COX10: variants seen among roughly 807,000 people sequenced by gnomAD.
The protein encoded by COX10 is cytochrome c oxidase assembly factor heme A:farnesyltransferase COX10.
COX10 carries 27 observed loss-of-function variants against 37.3 expected under a neutral mutation model. The ratio of observed to expected loss-of-function variants is 0.72; its 90% CI spans 0.53 to 1.00. The LOEUF is 1.00. Among genes scored for constraint, COX10 ranks in the 50% least tolerant of loss-of-function variants. The probability of loss-of-function intolerance (pLI) is 0.00; values close to 1 mark genes in which losing one functional copy is unlikely to be tolerated. For missense variants in COX10, 475 were observed against 563.2 expected (o/e 0.84, Z 1.59); for synonymous variants, 222 against 229.1 (o/e 0.97, Z 0.28).
chr17:14,178,710 C>A (rs1291054937), intron 5 of COX10, among the ~76,000 whole-genome samples: 2 of 152,132 alleles, frequency 1.3e-5, no homozygotes, highest in Non-Finnish European at 2.9e-5. Context: ...GCATGGCGGC[C>A]CTGCCAACCA....
chr17:14,175,083 C>CGGG (rs551562401), intron 5 of COX10, among the ~76,000 whole-genome samples: 1 of 16,366 alleles, frequency 6.1e-5, no homozygotes, highest in Admixed American at 1.2e-3. Context: ...TGGGAAATAG[C>CGGG]GGGGGGGGGG....
chr17:14,143,735 C>G (rs1597519073), intron 4 of COX10, among the ~76,000 whole-genome samples: 2 of 152,094 alleles, frequency 1.3e-5, no homozygotes, highest in South Asian at 4.1e-4. Flanking sequence ...AAAGCATATG[C>G]AACTGTCTTT....
At chr17:14,098,579 T>G (rs1184880380) in intron 3 of COX10, among the ~76,000 whole-genome samples, 1 of 152,178 alleles carries the variant, frequency 6.6e-6, no homozygotes, top group Non-Finnish European at 1.5e-5. Flanking sequence ...TTGAGTATTC[T>G]AAATGGAGCT....
At chr17:14,125,358 T>G (rs887626095) in intron 4 of COX10, among the ~76,000 whole-genome samples, 4 of 152,212 alleles carry the variant, frequency 2.6e-5, no homozygotes, top group Non-Finnish European at 5.9e-5. Flanking sequence ...TTTGTAATGT[T>G]TACAGTGTCA....
chr17:14,104,240 A>T (rs143124032), intron 4 of COX10, among the ~76,000 whole-genome samples: 95 of 152,308 alleles, frequency 6.2e-4, no homozygotes, highest in African/African-American at 2.2e-3. Flanking sequence ...GATTCCCAGT[A>T]GAGTAGAATC....
rs1021295868 is a variant in COX10 at position 14,205,495 on chromosome 17, G to A, written c.929-1315G>A. 9.2e-5 allele frequency among the ~76,000 whole-genome samples: 14 copies of A among 152,200 alleles called. No individual in the cohort carries two copies. In the East Asian group the frequency reaches 9.7e-4, roughly 10 times the overall value. ...ACCTCCTTGACTGAAGGGTCTGCTC[G>A]GTGCAGGCAGGAGCACGTGTGGATT... is the stretch of plus-strand genomic sequence containing the variant. On this transcript the variant is annotated intron_variant, in intron 6 of 6. Coordinates refer to ENST00000261643, the MANE Select transcript of COX10 (RefSeq NM_001303.4).
rs147593297 is a variant in COX10 at position 14,099,739 on chromosome 17, C to G, written c.500-2379C>G. On this transcript the variant is annotated intron_variant, in intron 3 of 6. Transcript: ENST00000261643. Reference sequence around the variant, plus strand: ...ATTCCCTCAGGCTCAGGCATGGCCTCTAGGCAACTCCAGAGCTTCATGCCT... The same window carrying G: ...ATTCCCTCAGGCTCAGGCATGGCCTGTAGGCAACTCCAGAGCTTCATGCCT... Among the ~76,000 whole-genome samples the G allele has an allele frequency of 2.2e-4, 34 of 152,240 alleles. No individual in the cohort carries two copies. In the East Asian group the frequency reaches 6.2e-3, roughly 28 times the overall value.
chr17:14,069,757 G>A (rs989547287), intron 1 of COX10, 109 bp downstream of exon 1: 14 of 1,368,530 alleles, frequency 1.0e-5, no homozygotes, highest in Non-Finnish European at 1.3e-5. Flanking sequence ...TGGCGAGGTT[G>A]GCCGGCCACC....
chr17:14,132,189 G>A (rs919093026), intron 4 of COX10, among the ~76,000 whole-genome samples: 1 of 151,888 alleles, frequency 6.6e-6, no homozygotes, highest in Non-Finnish European at 1.5e-5. Context: ...GAAATGGATG[G>A]TTTAAGTTTA....
At chr17:14,119,722 C>A (rs929313012) in intron 4 of COX10, among the ~76,000 whole-genome samples, 3 of 151,952 alleles carry the variant, frequency 2.0e-5, no homozygotes, top group Admixed American at 6.6e-5. Context: ...CAAGAGGAAG[C>A]GTGGTTTAGA....
chr17:14,205,656 G>T (rs1306505737), intron 6 of COX10, among the ~76,000 whole-genome samples: 1 of 152,212 alleles, frequency 6.6e-6, no homozygotes, highest in Admixed American at 6.5e-5. Context: ...CCACCCTACT[G>T]CCTGTCCTTA....
chr17:14,172,559 GTCT>G (rs1186632392), intron 5 of COX10, among the ~76,000 whole-genome samples: 2 of 146,410 alleles, frequency 1.4e-5, no homozygotes, highest in Non-Finnish European at 3.0e-5. Flanking sequence ...CTATTCGTAT[GTCT>G]TCTTTTTTTC....
At chr17:14,151,542 C>CAT (rs888140885) in intron 4 of COX10, among the ~76,000 whole-genome samples, 4 of 150,080 alleles carry the variant, frequency 2.7e-5, no homozygotes, top group Admixed American at 6.6e-5. Context: ...CACACACACA[C>CAT]ACACACACAC....
chr17:14,084,857 G>A (rs1306162854), intron 3 of COX10, among the ~76,000 whole-genome samples: 11 of 151,966 alleles, frequency 7.2e-5, no homozygotes, highest in Admixed American at 5.9e-4. Context: ...ACGGGGTTTC[G>A]CCATGTTGGC....
intron 3 of COX10, among the ~76,000 whole-genome samples, chr17:14,079,500 C>T (rs1474534080): frequency 2.0e-5 from 3 of 152,064 alleles, no homozygotes; most frequent in East Asian, 3.9e-4. Flanking sequence ...TTATTAAGAT[C>T]GAAGAGTTAG....
intron 3 of COX10, among the ~76,000 whole-genome samples, chr17:14,082,812 T>G (rs1309445615): frequency 2.6e-5 from 4 of 152,188 alleles, no homozygotes; most frequent in Non-Finnish European, 4.4e-5. Flanking sequence ...GGCCACTGTT[T>G]CCAGTGATTC....
intron 3 of COX10, among the ~76,000 whole-genome samples, chr17:14,095,348 A>G (rs1915621338): frequency 6.6e-6 from 1 of 152,158 alleles, no homozygotes; most frequent in Non-Finnish European, 1.5e-5. Context: ...CACCACCTTC[A>G]AAATACTTAC....
chr17:14,117,166 G>A (rs1273934887), intron 4 of COX10, among the ~76,000 whole-genome samples: 1 of 152,038 alleles, frequency 6.6e-6, no homozygotes, highest in Non-Finnish European at 1.5e-5. Context: ...ACATACAAGG[G>A]CTTTTTTTAC....
At chr17:14,158,560 TACAG>T (rs1905102636) in intron 4 of COX10, among the ~76,000 whole-genome samples, 1 of 152,080 alleles carries the variant, frequency 6.6e-6, no homozygotes, top group African/African-American at 2.4e-5. Context: ...CTATGATTCA[TACAG>T]ACATAAGTAA....
Sources: gnomAD v4.1 joint callset for allele counts (sites outside exome capture counted in the v4.1 genomes callset) on GRCh38, gnomAD v4.1.1 for gene constraint, MANE v1.5 for transcripts, NCBI Gene and HGNC (gene_info 2026-07-23, HGNC 2026-07-21) for gene names.